Variants in ZBTB16 observed in about 807,000 individuals in gnomAD.
ZBTB16 encodes the protein zinc finger and BTB domain containing 16, also known as zinc finger and BTB domain-containing protein 16.
A neutral mutation model predicts 56.8 loss-of-function variants in ZBTB16; 8 were observed. The observed-to-expected ratio is 0.14, with a 90% confidence interval of 0.08 to 0.25. The LOEUF is 0.25. Among genes scored for constraint, ZBTB16 ranks in the 10% least tolerant of loss-of-function variants. The pLI is 1.00. For synonymous variants in ZBTB16, 363 were observed against 368.5 expected, an observed-to-expected ratio of 0.98 and a Z score of 0.17; for missense variants, 625 against 903.0, an observed-to-expected ratio of 0.69 and a Z score of 3.95.
intron 2 of ZBTB16, among the ~76,000 whole-genome samples, chr11:114,144,585 CTGTGGGACACCA>C (rs1942049457): frequency 6.6e-6 from 1 of 152,234 alleles, no homozygotes; most frequent in Admixed American, 6.5e-5. Context: ...CCGCAGCCTG[CTGTGGGACACCA>C]TGCCCACTCT....
intron 3 of ZBTB16, among the ~76,000 whole-genome samples, chr11:114,178,686 TGA>T (rs1295775696): frequency 6.6e-6 from 1 of 152,148 alleles, no homozygotes; most frequent in Non-Finnish European, 1.5e-5. Flanking sequence ...CTGTGGGACT[TGA>T]GAGAGGGACT....
At chr11:114,097,578 A>T (rs1429573079) in intron 2 of ZBTB16, among the ~76,000 whole-genome samples, 3 of 152,020 alleles carry the variant, frequency 2.0e-5, no homozygotes, top group Non-Finnish European at 2.9e-5. Flanking sequence ...CCTCTGCTAA[A>T]TTTTTTTTAA....
intron 3 of ZBTB16, among the ~76,000 whole-genome samples, chr11:114,167,988 C>T (rs1942839024): frequency 6.6e-6 from 1 of 152,240 alleles, no homozygotes; most frequent in South Asian, 2.1e-4. Flanking sequence ...CAAGAGGCCG[C>T]CCTCCATCTG....
intron 3 of ZBTB16, among the ~76,000 whole-genome samples, chr11:114,158,891 G>T (rs111972618): frequency 2.0e-3 from 308 of 152,328 alleles, no homozygotes; most frequent in African/African-American, 7.3e-3. Flanking sequence ...GATGAACAGG[G>T]ACACTCCTCT....
chr11:114,253,352 C>T lies in ZBTB16; in HGVS notation c.*2797C>T, dbSNP rs922614169. ...AATATTTTTGTAGTATCTGTTAGTT[C>T]CTTCGTCAGTTCTGCAGAACCTTGC... On this transcript the variant is annotated 3_prime_UTR_variant, in exon 7 of 7. Coordinates refer to ENST00000335953, the MANE Select transcript of ZBTB16 (RefSeq NM_006006.6). 2.6e-5 allele frequency among the ~76,000 whole-genome samples: 4 copies of T among 152,124 alleles called. No individual in the cohort carries two copies. Among genetic ancestry groups the T allele is most frequent in the Non-Finnish European group, 5.9e-5 (4 of 68,030 alleles).
rs142119252 is a variant in ZBTB16, at chr11:114,204,783, A to T, written c.1453+17745A>T. ...CAGTAGCTGTTTACTCGACCATCCC[A>T]GGCAAGCTTGAGATGCTGGGAACAT... On this transcript the variant is annotated intron_variant, in intron 4 of 6. Transcript: ENST00000335953. Among the ~76,000 whole-genome samples, 789 of 152,236 alleles carry T rather than the reference A, an allele frequency of 5.2e-3. 5 individuals carry two copies. The highest frequency in any genetic ancestry group is 0.017 in the African/African-American group (721 of 41,546).
rs61232858 is a variant in ZBTB16, at chr11:114,074,528, G to A, written c.1268+9960G>A. 3.7e-3 allele frequency among the ~76,000 whole-genome samples: 561 copies of A among 152,272 alleles called. 23 individuals are homozygous for A. The East Asian group carries it at 0.09, about 24-fold the overall frequency. On this transcript the variant is annotated intron_variant, in intron 2 of 6. Coordinates refer to ENST00000335953, the MANE Select transcript of ZBTB16 (RefSeq NM_006006.6). ...CCCCCAACCCATCTCTTTAAGGAAC[G>A]TCCCTCCCCAACACCGAAGCCCAGG...
intron 2 of ZBTB16, among the ~76,000 whole-genome samples, chr11:114,148,336 G>GCTGGCTTGCTTC (rs1369514528): frequency 0.062 from 3,252 of 52,310 alleles, 163 homozygotes; most frequent in Non-Finnish European, 0.085. Context: ...TGGCTGGCTG[G>GCTGGCTTGCTTC]CTTCCTTCCT....
At chr11:114,191,653 C>G (rs1405670031) in intron 4 of ZBTB16, among the ~76,000 whole-genome samples, 1 of 152,190 alleles carries the variant, frequency 6.6e-6, no homozygotes, top group African/African-American at 2.4e-5. Flanking sequence ...TAGCTCACTG[C>G]CTTGTCATGG....
At chr11:114,233,131 TCTCTCTCA>T (rs1944493874) in intron 4 of ZBTB16, among the ~76,000 whole-genome samples, 1 of 51,878 alleles carries the variant, frequency 1.9e-5, no homozygotes, top group Non-Finnish European at 4.5e-5. Context: ...ACACACTCTC[TCTCTCTCA>T]CACTCCCTTT....
intron 3 of ZBTB16, among the ~76,000 whole-genome samples, chr11:114,173,469 A>C (rs1160088207): frequency 6.6e-6 from 1 of 152,186 alleles, no homozygotes; most frequent in African/African-American, 2.4e-5. Flanking sequence ...GTGGAATCAC[A>C]GTGGAAGCAC....
intron 4 of ZBTB16, among the ~76,000 whole-genome samples, chr11:114,212,524 T>G (rs931793047): frequency 6.6e-6 from 1 of 152,174 alleles, no homozygotes; most frequent in Non-Finnish European, 1.5e-5. Flanking sequence ...TCTCCTGTTA[T>G]AGATGAAGAA....
At chr11:114,061,696 G>T (rs2471886) in intron 1 of ZBTB16, 150,779 of 152,366 alleles carry the variant, frequency 0.99, 74,628 homozygotes, top group East Asian at 1. Flanking sequence ...TAACACTCCT[G>T]TAAGCGAGGT....
At chr11:114,103,636 C>G (rs112775330) in intron 2 of ZBTB16, among the ~76,000 whole-genome samples, 1 of 152,032 alleles carries the variant, frequency 6.6e-6, no homozygotes, top group Admixed American at 6.6e-5. Flanking sequence ...GGTGCTCCCC[C>G]ACCCTGTGTC....
chr11:114,155,451 G>T (rs1942385484), intron 2 of ZBTB16, among the ~76,000 whole-genome samples: 1 of 147,410 alleles, frequency 6.8e-6, no homozygotes, highest in Non-Finnish European at 1.5e-5. Flanking sequence ...TCTGGTGGGA[G>T]AGGCCCCGGG....
chr11:114,170,111 A>G (rs1331253139), intron 3 of ZBTB16, among the ~76,000 whole-genome samples: 2 of 152,222 alleles, frequency 1.3e-5, no homozygotes, highest in East Asian at 3.8e-4. Context: ...GGCCCCTCCA[A>G]GTTGAGGCAT....
rs919221231 is a variant in ZBTB16 at position 114,255,736 on chromosome 11, A to G, written c.*5181A>G. On this transcript the variant is annotated 3_prime_UTR_variant, in exon 7 of 7. Transcript: ENST00000335953. ...CAAGATTTAAAAAAAAAAAAAAAGG[A>G]AAAAAAAAGAAAAAATGAATTTACT... is the stretch of plus-strand genomic sequence containing the variant. Among the ~76,000 whole-genome samples the G allele has an allele frequency of 3.3e-5, 5 of 150,726 alleles. No homozygotes were observed. Among genetic ancestry groups the G allele is most frequent in the Non-Finnish European group, 7.4e-5 (5 of 67,666 alleles).
At chr11:114,165,924 C>T (rs74866819) in intron 3 of ZBTB16, among the ~76,000 whole-genome samples, 10,002 of 152,182 alleles carry the variant, frequency 0.066, 1,031 homozygotes, top group African/African-American at 0.22. Flanking sequence ...GGCTGCAGGT[C>T]GCAATGGGCC....
At chr11:114,190,764 TATACACACATGTGTATAC>T (rs1943474021) in intron 4 of ZBTB16, among the ~76,000 whole-genome samples, 3 of 151,598 alleles carry the variant, frequency 2.0e-5, no homozygotes, top group Admixed American at 2.0e-4. Context: ...CACACATATA[TATACACACATGTGTATAC>T]ATACACACAC....
Sources: allele counts gnomAD v4.1 joint callset (sites outside exome capture counted in the v4.1 genomes callset), GRCh38; gene constraint gnomAD v4.1.1; transcripts MANE v1.5; gene names NCBI Gene and HGNC (gene_info 2026-07-23, HGNC 2026-07-21).